The following ENPP2 variants were observed in gnomAD, a reference collection of about 807,000 sequenced individuals.
ENPP2 encodes ectonucleotide pyrophosphatase/phosphodiesterase 2, also known as autotaxin.
A neutral mutation model predicts 120.2 loss-of-function variants in ENPP2; 51 were observed. The ratio of observed to expected loss-of-function variants is 0.42; its 90% CI spans 0.34 to 0.54. The LOEUF (loss-of-function observed/expected upper bound fraction) is 0.54, where lower values mean the gene tolerates loss of function less well. Ranked by LOEUF, ENPP2 falls within the 20% of genes least tolerant of loss-of-function variation. The pLI is 0.04. For synonymous variants in ENPP2, 365 were observed against 366.4 expected (o/e 1.00, Z 0.04); for missense variants, 920 against 1,066.5 (o/e 0.86, Z 1.91).
At chr8:119,671,362 C>T (rs760984477) in intron 1 of ENPP2, among the ~76,000 whole-genome samples, 14 of 152,052 alleles carry the variant, frequency 9.2e-5, no homozygotes, top group Non-Finnish European at 1.6e-4. Flanking sequence ...ATGGGCTGGG[C>T]AGGACTGGCC....
intron 1 of ENPP2, among the ~76,000 whole-genome samples, chr8:119,665,901 G>T (rs987574491): frequency 2.0e-5 from 3 of 152,202 alleles, no homozygotes; most frequent in African/African-American, 7.2e-5. Context: ...CTTGGGAGTT[G>T]GTCATTATAG....
At chr8:119,647,057 G>A (rs1326341835) in intron 1 of ENPP2, among the ~76,000 whole-genome samples, 2 of 151,296 alleles carry the variant, frequency 1.3e-5, no homozygotes, top group African/African-American at 4.9e-5. Context: ...GAGTGCAGTG[G>A]CACAATCTTG....
rs1289779380 is a variant in ENPP2, at chr8:119,557,658, G to A, written c.2455C>T (p.Leu819Phe). Residue 819 changes from leucine to phenylalanine, a missense_variant, in exon 25 of 25, where the codon CTC (leucine) becomes TTC (phenylalanine). Physicochemically the swap from Leu to Phe is conservative, Grantham distance 22. Transcript: ENST00000075322. ...ACCCTAGCTGTGTGCATCTTCATGA[G>A]TTCTTCTACCCATTTTGATTCGTCC... The part of the protein sequence containing the change: ...SEDESKWVEE[L>F]MKMHTARVRD... The A allele has an allele frequency of 6.9e-6, 11 of 1,594,220 alleles. No individual in the cohort carries two copies. The highest frequency in any genetic ancestry group is 4.5e-5 in the East Asian group (2 of 44,534).
chr8:119,580,321 T>C lies in ENPP2; in HGVS notation c.1729-154A>G, dbSNP rs1449719819. The C allele has an allele frequency of 8.8e-6, 6 of 678,172 alleles. No homozygotes were observed. The African/African-American group carries it at 1.1e-4, about 12-fold the overall frequency. The allele number at this position is 678,172 out of a possible 1,614,324, so 42.0% of individuals were successfully genotyped here. ...CATTCTTTCGAGGAATTAACTGTTT[T>C]CTCTCAAACTGACATTCTGGGCTCC... On this transcript the variant is annotated intron_variant, in intron 18 of 24. Transcript: ENST00000075322.
Position 119,567,596 on chromosome 8 carries a change from C to A in ENPP2, c.2131+579G>T, listed in dbSNP as rs116101918. ...TTCAAAGAAACTAAAATAATTGGTACAGGACTAAAATCATCTGAAATAAAC... is the reference window on the plus strand; with the variant it reads ...TTCAAAGAAACTAAAATAATTGGTAAAGGACTAAAATCATCTGAAATAAAC... On this transcript the variant is annotated intron_variant, in intron 22 of 24. Transcript: ENST00000075322. Among the ~76,000 whole-genome samples the A allele has an allele frequency of 8.4e-3, 1,275 of 152,254 alleles. 12 individuals are homozygous for A. Among genetic ancestry groups the A allele is most frequent in the African/African-American group, 0.03 (1,232 of 41,526 alleles).
At chr8:119,568,334 T>A in intron 21 of ENPP2, 82 bp from the exon 22 acceptor site, 3 of 760,606 alleles carry the variant, frequency 3.9e-6, no homozygotes, top group Non-Finnish European at 7.0e-6. Flanking sequence ...GGGGGTAGAA[T>A]TTTCTTAAAT....
At chr8:119,590,884 AT>A (rs1188744411) in intron 12 of ENPP2, among the ~76,000 whole-genome samples, 1 of 151,524 alleles carries the variant, frequency 6.6e-6, no homozygotes, top group Non-Finnish European at 1.5e-5. Context: ...CCTCGATTAC[AT>A]TTTAAGTCAC....
intron 1 of ENPP2, among the ~76,000 whole-genome samples, chr8:119,654,547 GT>G (rs1173511724): frequency 6.7e-6 from 1 of 149,586 alleles, no homozygotes; most frequent in Non-Finnish European, 1.5e-5. Flanking sequence ...GTCTTGCTAT[GT>G]TGTCCAGACT....
At chr8:119,642,442 T>C (rs967976456), upstream of ENPP2, among the ~76,000 whole-genome samples, 1 of 152,224 alleles carries the variant, frequency 6.6e-6, no homozygotes, top group Non-Finnish European at 1.5e-5. Context: ...ATGGTTGACA[T>C]AAAGCCTTTG....
At chr8:119,638,643 G>A (rs1242323820) in intron 1 of ENPP2, 105 bp downstream of exon 1, 7 of 990,882 alleles carry the variant, frequency 7.1e-6, no homozygotes, top group South Asian at 1.3e-5. Context: ...CTTCCAAAAT[G>A]CATAATAAGG....
chr8:119,627,830 C>T (rs927664688), intron 2 of ENPP2, among the ~76,000 whole-genome samples: 7 of 150,002 alleles, frequency 4.7e-5, no homozygotes, highest in Non-Finnish European at 1.0e-4. Context: ...CTATTGCACT[C>T]CAGCCTGGGT....
intron 11 of ENPP2, among the ~76,000 whole-genome samples, chr8:119,596,960 G>A (rs181431093): frequency 7.8e-4 from 119 of 152,076 alleles, no homozygotes; most frequent in Non-Finnish European, 1.6e-3. Context: ...AAAGCAGCAA[G>A]CCTTGCTGTC....
intron 12 of ENPP2, among the ~76,000 whole-genome samples, chr8:119,591,854 C>T (rs1409271862): frequency 3.3e-5 from 5 of 152,102 alleles, no homozygotes; most frequent in South Asian, 2.1e-4. Context: ...ACAATGTTAG[C>T]GTGGGAAGGG....
chr8:119,616,449 T>C (rs1023644016), intron 7 of ENPP2, 65 bp from the exon 8 acceptor site: 6 of 1,275,190 alleles, frequency 4.7e-6, no homozygotes, highest in African/African-American at 4.4e-5. Flanking sequence ...TTAGTTCTAG[T>C]ATGAATTTTC....
chr8:119,633,762 AT>A (rs1214044341), intron 2 of ENPP2, among the ~76,000 whole-genome samples: 3 of 151,840 alleles, frequency 2.0e-5, no homozygotes, highest in Non-Finnish European at 2.9e-5. Context: ...ATAAATATCC[AT>A]TACTGCAACA....
intron 3 of ENPP2, among the ~76,000 whole-genome samples, chr8:119,623,146 C>T (rs73714486): frequency 0.016 from 2,453 of 152,174 alleles, 72 homozygotes; most frequent in African/African-American, 0.057. Flanking sequence ...AGAGAAACAA[C>T]TATTGTTAGG....
chr8:119,639,893 T>C (rs1817221120), upstream of ENPP2, among the ~76,000 whole-genome samples: 2 of 152,190 alleles, frequency 1.3e-5, no homozygotes, highest in African/African-American at 2.4e-5. Flanking sequence ...AAATATTACA[T>C]GCCTTCAGGA....
intron 13 of ENPP2, among the ~76,000 whole-genome samples, chr8:119,589,777 A>G (rs1200661496): frequency 6.6e-6 from 1 of 152,180 alleles, no homozygotes; most frequent in Non-Finnish European, 1.5e-5. Context: ...TAAAAACTCT[A>G]AAGAATTTTT....
chr8:119,588,348 T>C (rs111590014), intron 13 of ENPP2, among the ~76,000 whole-genome samples: 3,784 of 151,740 alleles, frequency 0.025, 164 homozygotes, highest in African/African-American at 0.086. Context: ...GCTAACATGG[T>C]GAAATCCCGT....
Sources: gnomAD v4.1 joint callset for allele counts (sites outside exome capture counted in the v4.1 genomes callset) on GRCh38, gnomAD v4.1.1 for gene constraint, MANE v1.5 for transcripts, NCBI Gene and HGNC (gene_info 2026-07-23, HGNC 2026-07-21) for gene names.